The following NPC1 variants were observed in gnomAD, a reference collection of about 807,000 sequenced individuals.
The protein encoded by NPC1 is NPC intracellular cholesterol transporter 1.
Under a neutral mutation model 140.4 loss-of-function variants are expected in NPC1, and 85 were observed. That is an observed-to-expected ratio of 0.61 (90% CI 0.51 to 0.72). NPC1 has a LOEUF of 0.72. Ranked by LOEUF, NPC1 falls within the 30% of genes least tolerant of loss-of-function variation. NPC1 has a pLI of 0.00. For synonymous variants in NPC1, 656 were observed against 624.8 expected, an observed-to-expected ratio of 1.05 and a Z score of -0.74; for missense variants, 1,504 against 1,623.8, an observed-to-expected ratio of 0.93 and a Z score of 1.27.
intron 1 of NPC1, among the ~76,000 whole-genome samples, chr18:23,580,604 CCT>C (rs1350999074): frequency 6.6e-6 from 1 of 152,210 alleles, no homozygotes; most frequent in African/African-American, 2.4e-5. Flanking sequence ...CACTTGTGCC[CCT>C]GTCCTGGATG....
chr18:23,531,935 ACCT>A lies in NPC1; in HGVS notation c.*264_*266del. On this transcript the variant is annotated 3_prime_UTR_variant, in exon 25 of 25. Transcript: ENST00000269228. The stretch of plus-strand genomic sequence containing the variant: ...ATCACATTCACAGCCATCTAGTGTC[ACCT>A]CCTGCTTGCCAAAGAATGAGGTTTC... The A allele has an allele frequency of 2.1e-6, 3 of 1,443,584 alleles. No homozygotes were observed. Among genetic ancestry groups the A allele is most frequent in the Non-Finnish European group, 2.7e-6 (3 of 1,106,278 alleles). 89.4% of individuals were successfully genotyped at this position (1,443,584 alleles called of 1,614,324 possible).
intron 2 of NPC1, among the ~76,000 whole-genome samples, 174 bp from the exon 3 acceptor site, chr18:23,572,354 C>G (rs1008714266): frequency 3.9e-5 from 6 of 152,190 alleles, no homozygotes; most frequent in Non-Finnish European, 7.4e-5. Context: ...TACACATTTA[C>G]TATTTATTCA....
At chr18:23,540,364 G>C (rs1199418323) in intron 17 of NPC1, 84 bp downstream of exon 17, 11 of 927,360 alleles carry the variant, frequency 1.2e-5, no homozygotes, top group Non-Finnish European at 1.7e-5. Flanking sequence ...GCACTTGCTT[G>C]AAACACCTAC....
At chr18:23,576,630 G>GA (rs1468715875) in intron 1 of NPC1, 2 of 253,578 alleles carry the variant, frequency 7.9e-6, no homozygotes, top group African/African-American at 4.6e-5. Flanking sequence ...GGCGCGTCTG[G>GA]AATCTGTCCC....
intron 1 of NPC1, among the ~76,000 whole-genome samples, chr18:23,576,285 G>C (rs1295380532): frequency 6.6e-6 from 1 of 152,098 alleles, no homozygotes; most frequent in African/African-American, 2.4e-5. Flanking sequence ...GCCGAGCCTA[G>C]TGGCACATGC....
At chr18:23,535,817 A>G in intron 21 of NPC1, 117 bp from the exon 22 acceptor site, 1 of 759,608 alleles carries the variant, frequency 1.3e-6, no homozygotes. Context: ...CTTGCAGAAA[A>G]CCTTGCTGGC....
intron 13 of NPC1, among the ~76,000 whole-genome samples, 163 bp from the exon 14 acceptor site, chr18:23,543,732 G>T (rs1309760385): frequency 6.6e-6 from 1 of 152,160 alleles, no homozygotes; most frequent in Non-Finnish European, 1.5e-5. Flanking sequence ...AATGTTCTCA[G>T]AGTATTTCTG....
intron 1 of NPC1, among the ~76,000 whole-genome samples, chr18:23,574,750 A>G (rs2059250840): frequency 6.6e-6 from 1 of 152,348 alleles, no homozygotes; most frequent in South Asian, 2.1e-4. Context: ...TGTTTAGGCC[A>G]CAAAGGAGGG....
chr18:23,549,972 A>ATGC (rs1406600079), intron 10 of NPC1, among the ~76,000 whole-genome samples: 5 of 147,860 alleles, frequency 3.4e-5, no homozygotes, highest in African/African-American at 1.3e-4. Flanking sequence ...TGAGATCTTT[A>ATGC]TTTATTAAGA....
chr18:23,543,814 C>G (rs780316481), intron 13 of NPC1, among the ~76,000 whole-genome samples: 1 of 152,100 alleles, frequency 6.6e-6, no homozygotes, highest in Non-Finnish European at 1.5e-5. Flanking sequence ...GGAAAACACT[C>G]GGAACACAGG....
chr18:23,506,919 A>G, intron 3 of NPC1: 1 of 1,216,264 alleles, frequency 8.2e-7, no homozygotes, highest in Non-Finnish European at 1.2e-6. Context: ...AATAAATGGT[A>G]GTAGCTAGAA....
At chr18:23,507,936 T>C in intron 3 of NPC1, 1 of 1,569,208 alleles carries the variant, frequency 6.4e-7, no homozygotes, top group Non-Finnish European at 8.7e-7. Context: ...AGGTTGGCAG[T>C]ATGCTGCCTA....
At chr18:23,564,275 C>T (rs753770772) in intron 4 of NPC1, among the ~76,000 whole-genome samples, 18 of 152,174 alleles carry the variant, frequency 1.2e-4, no homozygotes, top group Non-Finnish European at 1.9e-4. Context: ...TGAGCCACAG[C>T]GCCCGGCCAA....
intron 3 of NPC1, among the ~76,000 whole-genome samples, chr18:23,515,522 G>T (rs907615668): frequency 4.6e-5 from 7 of 152,130 alleles, no homozygotes; most frequent in African/African-American, 1.7e-4. Flanking sequence ...CTGACAGTTT[G>T]CTGTTATTGA....
intron 14 of NPC1, among the ~76,000 whole-genome samples, chr18:23,543,151 A>G (rs982350628): frequency 1.6e-4 from 25 of 152,178 alleles, no homozygotes; most frequent in South Asian, 4.1e-4. Flanking sequence ...AACATGGTGA[A>G]ACCCCATCTC....
At position 23,572,136 on chromosome 18, in the gene NPC1, A is replaced by C. The variant is rs755230322; in HGVS notation, c.225T>G (p.Cys75Trp). The C allele has an allele frequency of 1.2e-6, 2 of 1,613,778 alleles. No homozygotes were observed. Among genetic ancestry groups the C allele is most frequent in the South Asian group, 2.2e-5 (2 of 91,080 alleles). ...TTAGTGTCTGAAGCTGCCGAACATCACAACAGAGACTGACATTGCCAAAGA... is the reference window on the plus strand; with the variant it reads ...TTAGTGTCTGAAGCTGCCGAACATCCCAACAGAGACTGACATTGCCAAAGA... Reference protein sequence around the residue: ...GFFFGNVSLCCDVRQLQTLKD... With the variant: ...GFFFGNVSLCWDVRQLQTLKD... The change falls in exon 3 of 25, where the codon TGT becomes TGG. Residue 75 changes from cysteine to tryptophan, a missense_variant. Coordinates refer to ENST00000269228, the MANE Select transcript of NPC1 (RefSeq NM_000271.5).
chr18:23,569,312 G>GCATCAGGAAGACAATTATAGTCC (rs1393940251), intron 3 of NPC1, among the ~76,000 whole-genome samples: 26 of 152,094 alleles, frequency 1.7e-4, no homozygotes, highest in Non-Finnish European at 2.9e-4. Context: ...GGACTTTGGA[G>GCATCAGGAAGACAATTATAGTCC]CATCAGGAAG....
At chr18:23,527,073 A>G (rs184942989), downstream of NPC1, among the ~76,000 whole-genome samples, 122 of 150,608 alleles carry the variant, frequency 8.1e-4, 1 homozygote, top group African/African-American at 2.8e-3. Flanking sequence ...CTCACTGCAT[A>G]TGTGTCTTCT....
chr18:23,548,105 T>C lies in NPC1; in HGVS notation c.1658A>G (p.Gln553Arg), dbSNP rs2058814737. ...PWLVLGGYDD[Q>R]NYNNATALVI... ...AAGGGCAGTGGCGTTATTGTAGTTTTGATCTAGAAAGGAAAAATGTGACAT... is the reference window on the plus strand; with the variant it reads ...AAGGGCAGTGGCGTTATTGTAGTTTCGATCTAGAAAGGAAAAATGTGACAT... Residue 553 changes from glutamine to arginine, a missense_variant, in exon 11 of 25, where the codon CAA becomes CGA. By Grantham distance (43) the Gln-to-Arg change is conservative (BLOSUM62 1). Coordinates refer to ENST00000269228, the MANE Select transcript of NPC1 (RefSeq NM_000271.5). 1 of 1,596,092 alleles carries C rather than the reference T, an allele frequency of 6.3e-7. No homozygotes were observed. The highest frequency in any genetic ancestry group is 1.3e-5 in the African/African-American group (1 of 74,538).
Sources: gnomAD v4.1 joint callset for allele counts (sites outside exome capture counted in the v4.1 genomes callset) on GRCh38, gnomAD v4.1.1 for gene constraint, MANE v1.5 for transcripts, NCBI Gene and HGNC (gene_info 2026-07-23, HGNC 2026-07-21) for gene names.